The following PTPRD variants were observed in gnomAD, a reference collection of about 807,000 sequenced individuals.
PTPRD encodes the protein protein tyrosine phosphatase receptor type D, also known as receptor-type tyrosine-protein phosphatase delta.
In PTPRD, 34 loss-of-function variants were observed where a neutral mutation model predicts 214.5. That is an observed-to-expected ratio of 0.16 (90% CI 0.12 to 0.21). The LOEUF is 0.21. Ranked by LOEUF, PTPRD falls within the 10% of genes least tolerant of loss-of-function variation. The probability of loss-of-function intolerance (pLI) is 1.00; values close to 1 mark genes in which losing one functional copy is unlikely to be tolerated. For synonymous variants in PTPRD, 1,128 were observed against 845.7 expected, an observed-to-expected ratio of 1.33 and a Z score of -5.79; for missense variants, 2,545 against 2,398.7, an observed-to-expected ratio of 1.06 and a Z score of -1.27.
chr9:9,405,385 C>G (rs1272893523), intron 8 of PTPRD, among the ~76,000 whole-genome samples: 1 of 151,962 alleles, frequency 6.6e-6, no homozygotes, highest in African/African-American at 2.4e-5. Flanking sequence ...GTAGGCAAAG[C>G]AACAATGTCC....
chr9:9,919,357 G>C (rs984338055), intron 5 of PTPRD, among the ~76,000 whole-genome samples: 1 of 151,980 alleles, frequency 6.6e-6, no homozygotes, highest in Non-Finnish European at 1.5e-5. Context: ...GTCTCTCTTT[G>C]GGCAGGAATC....
chr9:9,227,484 A>C (rs1264897268), intron 9 of PTPRD, among the ~76,000 whole-genome samples: 1 of 152,074 alleles, frequency 6.6e-6, no homozygotes, highest in Non-Finnish European at 1.5e-5. Flanking sequence ...TGGCTTAAAA[A>C]CATTATGTCC....
chr9:9,071,012 C>T (rs1053920693), intron 10 of PTPRD, among the ~76,000 whole-genome samples: 7 of 152,112 alleles, frequency 4.6e-5, no homozygotes, highest in African/African-American at 1.7e-4. Context: ...TTTCTGGGCC[C>T]AAGTGATCCT....
At chr9:9,209,071 G>A (rs918514119) in intron 9 of PTPRD, among the ~76,000 whole-genome samples, 1 of 152,068 alleles carries the variant, frequency 6.6e-6, no homozygotes, top group East Asian at 1.9e-4. Flanking sequence ...GCCTCCCAAA[G>A]TGCTGGAATT....
At chr9:8,879,756 G>A (rs949911342) in intron 11 of PTPRD, among the ~76,000 whole-genome samples, 6 of 152,148 alleles carry the variant, frequency 3.9e-5, no homozygotes, top group Non-Finnish European at 5.9e-5. Context: ...GCTCATTAGG[G>A]TTTGCCTCAA....
intron 9 of PTPRD, among the ~76,000 whole-genome samples, chr9:9,195,205 T>G (rs2132026923): frequency 6.6e-6 from 1 of 151,794 alleles, no homozygotes; most frequent in African/African-American, 2.4e-5. Flanking sequence ...CTATGAAAAC[T>G]TGAGCATACA....
At chr9:9,674,475 T>A (rs1211289582) in intron 7 of PTPRD, among the ~76,000 whole-genome samples, 2 of 151,782 alleles carry the variant, frequency 1.3e-5, no homozygotes, top group African/African-American at 2.4e-5. Context: ...TGTAGTCATA[T>A]ATTAATAATC....
intron 35 of PTPRD, among the ~76,000 whole-genome samples, chr9:8,408,692 T>C (rs10977057): frequency 0.18 from 27,069 of 152,120 alleles, 2,852 homozygotes; most frequent in Non-Finnish European, 0.24. Flanking sequence ...GAACCCCATA[T>C]AGCGTCTAAA....
chr9:8,616,611 ATTTC>A (rs1180063336), intron 14 of PTPRD, among the ~76,000 whole-genome samples: 1 of 152,080 alleles, frequency 6.6e-6, no homozygotes, highest in Non-Finnish European at 1.5e-5. Context: ...AACATTCACT[ATTTC>A]TTATCAAAAA....
intron 2 of PTPRD, among the ~76,000 whole-genome samples, chr9:10,439,991 T>C (rs2098748154): frequency 6.6e-6 from 1 of 151,478 alleles, no homozygotes; most frequent in Non-Finnish European, 1.5e-5. Context: ...GAAATACATG[T>C]ATCCTGGAAC....
At chr9:9,236,172 G>C (rs2099966577) in intron 9 of PTPRD, among the ~76,000 whole-genome samples, 1 of 152,078 alleles carries the variant, frequency 6.6e-6, no homozygotes, top group African/African-American at 2.4e-5. Flanking sequence ...AGAATTGCTT[G>C]AATCCAGGAG....
chr9:10,560,623 TG>T (rs1408036346), intron 2 of PTPRD, among the ~76,000 whole-genome samples: 1 of 150,606 alleles, frequency 6.6e-6, no homozygotes, highest in African/African-American at 2.4e-5. Context: ...TAATCAAATA[TG>T]GAGTAAGAAT....
chr9:9,215,248 C>T (rs888717550), intron 9 of PTPRD, among the ~76,000 whole-genome samples: 12 of 152,114 alleles, frequency 7.9e-5, no homozygotes, highest in African/African-American at 1.7e-4. Flanking sequence ...GCAGAAGTCA[C>T]GCCTGAGAGT....
intron 9 of PTPRD, among the ~76,000 whole-genome samples, chr9:9,379,196 G>GAGAT (rs1166526331): frequency 6.9e-6 from 1 of 145,192 alleles, no homozygotes; most frequent in African/African-American, 2.5e-5. Context: ...TCTATGTTGA[G>GAGAT]ATATATATAT....
intron 2 of PTPRD, among the ~76,000 whole-genome samples, chr9:10,398,932 G>C (rs972456100): frequency 1.3e-5 from 2 of 152,020 alleles, no homozygotes; most frequent in Admixed American, 1.3e-4. Context: ...TAGGCTATTT[G>C]AGCCAAAAAT....
intron 10 of PTPRD, among the ~76,000 whole-genome samples, chr9:9,166,615 T>C (rs1246575565): frequency 1.3e-5 from 2 of 152,168 alleles, no homozygotes; most frequent in African/African-American, 4.8e-5. Context: ...CAACAGACCA[T>C]GTTAGCCAGT....
chr9:9,858,168 G>A (rs1287247726), intron 5 of PTPRD, among the ~76,000 whole-genome samples: 1 of 152,138 alleles, frequency 6.6e-6, no homozygotes, highest in African/African-American at 2.4e-5. Context: ...TTTTAGTAAT[G>A]ATAAATCTTT....
chr9:9,306,540 G>C (rs1957193313), intron 9 of PTPRD, among the ~76,000 whole-genome samples: 1 of 134,750 alleles, frequency 7.4e-6, no homozygotes, highest in Admixed American at 8.2e-5. Context: ...CTCCCGTCTG[G>C]GCGACAGAGT....
At chr9:8,396,598 C>T (rs188246845) in intron 36 of PTPRD, among the ~76,000 whole-genome samples, 2 of 152,212 alleles carry the variant, frequency 1.3e-5, no homozygotes, top group East Asian at 1.9e-4. Context: ...TTTTACTCTT[C>T]GATTAGCTTT....
Sources: gnomAD v4.1 joint callset for allele counts (sites outside exome capture counted in the v4.1 genomes callset) on GRCh38, gnomAD v4.1.1 for gene constraint, MANE v1.5 for transcripts, NCBI Gene and HGNC (gene_info 2026-07-23, HGNC 2026-07-21) for gene names.